The following TRIM2 variants were observed in gnomAD, a reference collection of about 807,000 sequenced individuals.
The protein encoded by TRIM2 is tripartite motif containing 2.
Under a neutral mutation model 75.2 loss-of-function variants are expected in TRIM2, and 20 were observed. That is an observed-to-expected ratio of 0.27 (90% CI 0.19 to 0.39). TRIM2 has a LOEUF of 0.39. Ranked by LOEUF, TRIM2 falls within the 10% of genes least tolerant of loss-of-function variation. The pLI is 1.00. For synonymous variants in TRIM2, 373 were observed against 388.3 expected, an observed-to-expected ratio of 0.96 and a Z score of 0.46; for missense variants, 660 against 990.8, an observed-to-expected ratio of 0.67 and a Z score of 4.48.
At chr4:153,310,361 T>C (rs1032960782) in intron 6 of TRIM2, 2 of 152,218 alleles carry the variant, frequency 1.3e-5, no homozygotes, top group Non-Finnish European at 2.9e-5. Context: ...GAGAAGAGAC[T>C]TTCTACAAAT....
chr4:153,284,828 G>T (rs1014753690), intron 3 of TRIM2, among the ~76,000 whole-genome samples: 2 of 152,068 alleles, frequency 1.3e-5, no homozygotes, highest in Non-Finnish European at 2.9e-5. Flanking sequence ...TTTTTAATAT[G>T]TTCTGGATTA....
intron 9 of TRIM2, among the ~76,000 whole-genome samples, chr4:153,323,064 T>C (rs1166930023): frequency 6.6e-6 from 1 of 152,168 alleles, no homozygotes; most frequent in East Asian, 1.9e-4. Context: ...AACTCAGAAG[T>C]CTAGCTTTGA....
At chr4:153,166,514 T>TTTCCTTCCTTCCTTCC (rs538452595) in intron 1 of TRIM2, among the ~76,000 whole-genome samples, 2 of 65,318 alleles carry the variant, frequency 3.1e-5, no homozygotes, top group South Asian at 6.6e-4. Flanking sequence ...CCTCTTTTCT[T>TTTCCTTCCTTCCTTCC]TTCCTTCCTT....
At chr4:153,254,860 A>G (rs1751683243) in intron 1 of TRIM2, among the ~76,000 whole-genome samples, 1 of 152,168 alleles carries the variant, frequency 6.6e-6, no homozygotes, top group Non-Finnish European at 1.5e-5. Flanking sequence ...TTTCCAGGGG[A>G]AAAATATTCC....
At chr4:153,293,285 A>C (rs574797449) in intron 4 of TRIM2, 152 bp downstream of exon 4, 3 of 836,002 alleles carry the variant, frequency 3.6e-6, no homozygotes, top group East Asian at 5.5e-5. Flanking sequence ...ATTTGTTGTC[A>C]TAAACTAATG....
At chr4:153,223,424 CAT>C (rs1741248922) in intron 1 of TRIM2, among the ~76,000 whole-genome samples, 1 of 152,192 alleles carries the variant, frequency 6.6e-6, no homozygotes, top group African/African-American at 2.4e-5. Flanking sequence ...TCTTTAAAAA[CAT>C]GTTTGGTCAT....
rs1757938373 is a variant in TRIM2 at position 153,275,986 on chromosome 4, G to A, written c.309G>A (p.Ala103=). Residue 103 remains alanine (A), a synonymous_variant, in exon 3 of 12, where the codon GCG becomes GCA. Coordinates refer to ENST00000338700, the MANE Select transcript of TRIM2 (RefSeq NM_015271.5). ...TCCTGCCCGAGAAAGGGGTGGCCGC[G>A]CTCCAGAACAATTTCTTCATCACAA... The part of the protein sequence containing the change: ...TSILPEKGVA[A]LQNNFFITNL... 3.1e-6 allele frequency: 5 copies of A among 1,614,030 alleles called. No individual in the cohort carries two copies. The highest frequency in any genetic ancestry group is 3.4e-6 in the Non-Finnish European group (4 of 1,180,038).
At chr4:153,240,599 A>C (rs1243364634) in intron 1 of TRIM2, among the ~76,000 whole-genome samples, 1 of 152,242 alleles carries the variant, frequency 6.6e-6, no homozygotes, top group Admixed American at 6.5e-5. Context: ...AGGGCTCTCC[A>C]GATTTTAACA....
At chr4:153,303,992 G>A (rs1764465365) in intron 6 of TRIM2, among the ~76,000 whole-genome samples, 1 of 152,210 alleles carries the variant, frequency 6.6e-6, no homozygotes, top group African/African-American at 2.4e-5. Context: ...GAAGGAGACA[G>A]ACATGTAAAA....
chr4:153,263,455 G>A (rs1042573325), intron 1 of TRIM2, among the ~76,000 whole-genome samples: 1 of 152,198 alleles, frequency 6.6e-6, no homozygotes, highest in Admixed American at 6.5e-5. Context: ...GCTCTTTGCT[G>A]CTGCTGTGAA....
chr4:153,257,397 G>A (rs72727901), intron 1 of TRIM2: 126,290 of 1,134,132 alleles, frequency 0.11, 7,417 homozygotes, highest in Non-Finnish European at 0.12. Flanking sequence ...CAGACGCTCA[G>A]TGAGAAAAAG....
chr4:153,199,940 ATT>A (rs34958420), upstream of TRIM2, among the ~76,000 whole-genome samples: 5 of 122,184 alleles, frequency 4.1e-5, no homozygotes, highest in Admixed American at 8.9e-5. Flanking sequence ...TGGCCAGCTA[ATT>A]TTTTTTTTTT....
intron 1 of TRIM2, among the ~76,000 whole-genome samples, chr4:153,251,823 T>C (rs915855819): frequency 3.3e-5 from 5 of 151,776 alleles, no homozygotes; most frequent in African/African-American, 1.2e-4. Context: ...CATAAAAAAA[T>C]ACAAAAAATT....
chr4:153,323,326 GA>G (rs1371330496), intron 9 of TRIM2, among the ~76,000 whole-genome samples: 2 of 152,200 alleles, frequency 1.3e-5, no homozygotes, highest in Non-Finnish European at 2.9e-5. Flanking sequence ...GCATTTGCAA[GA>G]AGAGGCTGAA....
chr4:153,264,625 T>C (rs1261882260), intron 1 of TRIM2, among the ~76,000 whole-genome samples: 3 of 152,216 alleles, frequency 2.0e-5, no homozygotes, highest in Non-Finnish European at 4.4e-5. Context: ...GAAACTGTGG[T>C]AGTGCCCCAA....
intron 1 of TRIM2, among the ~76,000 whole-genome samples, chr4:153,264,139 G>C (rs1030676179): frequency 6.6e-6 from 1 of 152,206 alleles, no homozygotes. Context: ...CACTGAGCTG[G>C]ACAAAGGGGA....
At chr4:153,307,883 G>T in intron 6 of TRIM2, 2 of 747,392 alleles carry the variant, frequency 2.7e-6, no homozygotes, top group South Asian at 1.4e-5. Flanking sequence ...CTTCATTGTG[G>T]GAGACCATGA....
At chr4:153,193,404 T>A (rs1733432856) in intron 1 of TRIM2, among the ~76,000 whole-genome samples, 1 of 152,184 alleles carries the variant, frequency 6.6e-6, no homozygotes, top group Non-Finnish European at 1.5e-5. Context: ...GTGCTGGGAT[T>A]ACAGGCATGA....
intron 1 of TRIM2, among the ~76,000 whole-genome samples, chr4:153,255,613 T>TA (rs1488236726): frequency 2.0e-5 from 3 of 152,196 alleles, no homozygotes; most frequent in Admixed American, 2.0e-4. Flanking sequence ...TGTAAACTTC[T>TA]AAAGCAGAAC....
Sources: gnomAD v4.1 joint callset for allele counts (sites outside exome capture counted in the v4.1 genomes callset) on GRCh38, gnomAD v4.1.1 for gene constraint, MANE v1.5 for transcripts, NCBI Gene and HGNC (gene_info 2026-07-23, HGNC 2026-07-21) for gene names.